The following DCUN1D5 variants were observed in gnomAD, a reference collection of about 807,000 sequenced individuals.
The protein encoded by DCUN1D5 is defective in cullin neddylation 1 domain containing 5, also known as DCN1-like protein 5.
In DCUN1D5, 10 loss-of-function variants were observed where a neutral mutation model predicts 38.3. The ratio of observed to expected loss-of-function variants is 0.26; its 90% CI spans 0.16 to 0.44. The LOEUF is 0.44. Ranked by LOEUF, DCUN1D5 falls within the 20% of genes least tolerant of loss-of-function variation. The pLI is 1.00. For missense variants in DCUN1D5, 148 were observed against 275.3 expected (o/e 0.54, Z 3.27); for synonymous variants, 93 against 90.9 (o/e 1.02, Z -0.13).
chr11:103,057,880 C>T lies in DCUN1D5; in HGVS notation c.*4479G>A, dbSNP rs1861912836. Among the ~76,000 whole-genome samples the T allele has an allele frequency of 3.3e-5, 5 of 152,216 alleles. 1 individual carries two copies. In the South Asian group the frequency reaches 1.0e-3, roughly 32 times the overall value. On this transcript the variant is annotated 3_prime_UTR_variant, in exon 8 of 8. Transcript: ENST00000260247. The surrounding 1 kb of genome is among the most constrained non-coding windows in gnomAD (Gnocchi z 4.8). ...TTAACCTCATACTTAAAACCAAACC[C>T]ATGAAGTATGTGGAAAAAATTCATT...
At chr11:103,070,346 G>T (rs1223365694) in intron 4 of DCUN1D5, among the ~76,000 whole-genome samples, 1 of 152,066 alleles carries the variant, frequency 6.6e-6, no homozygotes, top group Admixed American at 6.6e-5. Flanking sequence ...GGTTGAAAGT[G>T]AAACAATGGA....
intron 4 of DCUN1D5, among the ~76,000 whole-genome samples, chr11:103,067,644 G>A (rs935102784): frequency 2.6e-5 from 4 of 152,088 alleles, no homozygotes; most frequent in African/African-American, 9.7e-5. Context: ...AATCAATAAT[G>A]CAAAGGCCTA....
At position 103,054,309 on chromosome 11, in the gene DCUN1D5, G is replaced by A. The variant is rs575259454; in HGVS notation, c.*8050C>T. 9 of 152,108 alleles carry A rather than the reference G, an allele frequency of 5.9e-5. No homozygotes were observed. Among genetic ancestry groups the A allele is most frequent in the Admixed American group, 2.6e-4 (4 of 15,268 alleles). The allele number at this position is 152,108 out of a possible 1,614,324, so 9.4% of individuals were successfully genotyped here. A position where few individuals can be genotyped will look rare whatever the true frequency, so the allele number is the denominator to read the frequency against. ...AGAATTGTCTCCATAATCTTTAGAC[G>A]TGTTAATAGGAAAAGCATCTCTCTA... is the stretch of plus-strand genomic sequence containing the variant. On this transcript the variant is annotated 3_prime_UTR_variant, in exon 8 of 8. Transcript: ENST00000260247.
chr11:103,086,559 T>C lies in DCUN1D5; in HGVS notation c.178+2668A>G, dbSNP rs77760740. On this transcript the variant is annotated intron_variant, in intron 2 of 7. Coordinates refer to ENST00000260247, the MANE Select transcript of DCUN1D5 (RefSeq NM_032299.4). The surrounding 1 kb of genome is among the most constrained non-coding windows in gnomAD (Gnocchi z 4.1). ...CCATCTAACCCTTCTTTCTTCTCTA[T>C]TCCTGAACCTCACCATATTTATTAT... Among the ~76,000 whole-genome samples, 1 of 152,270 alleles carries C rather than the reference T, an allele frequency of 6.6e-6. No homozygotes were observed. The highest frequency in any genetic ancestry group is 1.9e-4 in the East Asian group (1 of 5,188).
At chr11:103,075,625 C>T (rs1010500801) in intron 4 of DCUN1D5, among the ~76,000 whole-genome samples, 3 of 152,198 alleles carry the variant, frequency 2.0e-5, no homozygotes, top group Non-Finnish European at 4.4e-5. Context: ...CATGATCTGC[C>T]CGCCTCAAAC....
intron 4 of DCUN1D5, among the ~76,000 whole-genome samples, chr11:103,080,775 G>A (rs1167586403): frequency 6.6e-6 from 1 of 152,146 alleles, no homozygotes; most frequent in African/African-American, 2.4e-5. Context: ...TTGGGAGGTC[G>A]AGGCAGGTGG....
chr11:103,068,305 C>T (rs372544799), intron 4 of DCUN1D5, among the ~76,000 whole-genome samples: 14 of 152,050 alleles, frequency 9.2e-5, no homozygotes, highest in African/African-American at 3.4e-4. Context: ...AACTATCATT[C>T]GATCCAGCAA....
rs1861858613 is a variant in DCUN1D5, at chr11:103,055,765, A to C, written c.*6594T>G. ...CATCCATGTCCTGACTTAAAATAAG[A>C]TTACACACTGATGACTTCCAAATAT... On this transcript the variant is annotated 3_prime_UTR_variant, in exon 8 of 8. Coordinates refer to ENST00000260247, the MANE Select transcript of DCUN1D5 (RefSeq NM_032299.4). 1 of 152,180 alleles carries C rather than the reference A, an allele frequency of 6.6e-6. No individual in the cohort carries two copies. Among genetic ancestry groups the C allele is most frequent in the South Asian group, 2.1e-4 (1 of 4,822 alleles). 9.4% of individuals were successfully genotyped at this position (152,180 alleles called of 1,614,324 possible).
rs1360889663 is a variant in DCUN1D5, at chr11:103,077,042, CA to C, written c.341+5705del. On this transcript the variant is annotated intron_variant, in intron 4 of 7. Transcript: ENST00000260247. The surrounding 1 kb of genome is among the most constrained non-coding windows in gnomAD (Gnocchi z 4.3). ...TGAAACCCCGTCTCTACTAAAAATA[CA>C]AAAAAAATTAGCTGGGTGTGGTGGC... 6.6e-6 allele frequency among the ~76,000 whole-genome samples: 1 copy of C among 151,654 alleles called. No individual in the cohort carries two copies. The highest frequency in any genetic ancestry group is 2.1e-4 in the South Asian group (1 of 4,804).
At chr11:103,072,872 C>G (rs932613010) in intron 4 of DCUN1D5, among the ~76,000 whole-genome samples, 1 of 152,002 alleles carries the variant, frequency 6.6e-6, no homozygotes, top group African/African-American at 2.4e-5. Flanking sequence ...CAAACCTGCA[C>G]GTTGTGCACA....
rs1861804699 is a variant in DCUN1D5, at chr11:103,053,747, CATCT to C, written c.*8608_*8611del. The C allele has an allele frequency of 6.6e-6, 1 of 151,716 alleles. No homozygotes were observed. The highest frequency in any genetic ancestry group is 1.9e-4 in the East Asian group (1 of 5,178). The allele number at this position is 151,716 out of a possible 1,614,324, so 9.4% of individuals were successfully genotyped here. A position where few individuals can be genotyped will look rare whatever the true frequency, so the allele number is the denominator to read the frequency against. ...ATCACATGTACCCCCCAAATAAATA[CATCT>C]ATTATGTATCAATGAAAAAAATGTA... On this transcript the variant is annotated 3_prime_UTR_variant, in exon 8 of 8. Transcript: ENST00000260247. This position sits in a 1 kb window ranked among gnomAD's most constrained non-coding sequence, Gnocchi z 4.8.
At chr11:103,088,398 G>C (rs562953798) in intron 2 of DCUN1D5, among the ~76,000 whole-genome samples, 1 of 152,056 alleles carries the variant, frequency 6.6e-6, no homozygotes, top group Non-Finnish European at 1.5e-5. Context: ...ATTCTAAGGG[G>C]AAAAAAATTC....
chr11:103,053,249 C>T lies in DCUN1D5; in HGVS notation c.*9110G>A, dbSNP rs1164831807. The T allele has an allele frequency of 2.0e-5, 3 of 152,110 alleles. No individual in the cohort carries two copies. The highest frequency in any genetic ancestry group is 7.2e-5 in the African/African-American group (3 of 41,448). 9.4% of individuals were successfully genotyped at this position (152,110 alleles called of 1,614,324 possible). On this transcript the variant is annotated 3_prime_UTR_variant, in exon 8 of 8. Coordinates refer to ENST00000260247, the MANE Select transcript of DCUN1D5 (RefSeq NM_032299.4). The surrounding 1 kb of genome is among the most constrained non-coding windows in gnomAD (Gnocchi z 4.8). Reference sequence around the variant, plus strand: ...CATTTATTACTTGGTGCCAACTACACTGTAAATTGATCATTTAGTCATATT... The same window carrying T: ...CATTTATTACTTGGTGCCAACTACATTGTAAATTGATCATTTAGTCATATT...
rs1385942953 is a variant in DCUN1D5, at chr11:103,078,025, T to C, written c.341+4723A>G. ...CCACCCCCACCAAAAAAAAAAATCA[T>C]ATAAATGTTCCCTATTCCCCTCTCG... On this transcript the variant is annotated intron_variant, in intron 4 of 7. Coordinates refer to ENST00000260247, the MANE Select transcript of DCUN1D5 (RefSeq NM_032299.4). The surrounding 1 kb of genome is among the most constrained non-coding windows in gnomAD (Gnocchi z 4.6). 6.6e-6 allele frequency among the ~76,000 whole-genome samples: 1 copy of C among 152,056 alleles called. No individual in the cohort carries two copies. Among genetic ancestry groups the C allele is most frequent in the Non-Finnish European group, 1.5e-5 (1 of 68,006 alleles).
intron 4 of DCUN1D5, among the ~76,000 whole-genome samples, chr11:103,070,540 A>G (rs1439978324): frequency 2.6e-5 from 4 of 152,202 alleles, no homozygotes. Context: ...GCAATCCTAT[A>G]CACGTTAAAC....
chr11:103,079,809 TA>T (rs2134626635), intron 4 of DCUN1D5: 1 of 152,082 alleles, frequency 6.6e-6, no homozygotes, highest in East Asian at 1.9e-4. Flanking sequence ...ATTAACACCT[TA>T]GATTTGCAAG....
rs1862011744 is a variant in DCUN1D5 at position 103,061,606 on chromosome 11, A to G, written c.*753T>C. ...TAACGTTCTCTTAAGGCAAAAAAAA[A>G]AAAAAAAAGTGCTTTAAACAAAATT... On this transcript the variant is annotated 3_prime_UTR_variant, in exon 8 of 8. Coordinates refer to ENST00000260247, the MANE Select transcript of DCUN1D5 (RefSeq NM_032299.4). Among the ~76,000 whole-genome samples the G allele has an allele frequency of 6.6e-6, 1 of 152,034 alleles. No homozygotes were observed. The highest frequency in any genetic ancestry group is 1.5e-5 in the Non-Finnish European group (1 of 67,976).
rs1447496500 is a variant in DCUN1D5 at position 103,061,821 on chromosome 11, G to A, written c.*538C>T. Reference sequence around the variant, plus strand: ...TATAGAAACCCAGAGCTAAAAGTAGGAGCATTTTTCCAATACCTAGAAATG... The same window carrying A: ...TATAGAAACCCAGAGCTAAAAGTAGAAGCATTTTTCCAATACCTAGAAATG... On this transcript the variant is annotated 3_prime_UTR_variant, in exon 8 of 8. Transcript: ENST00000260247. Among the ~76,000 whole-genome samples, 2 of 151,994 alleles carry A rather than the reference G, an allele frequency of 1.3e-5. No homozygotes were observed. The highest frequency in any genetic ancestry group is 2.9e-5 in the Non-Finnish European group (2 of 67,966).
rs190654716 is a variant in DCUN1D5, at chr11:103,080,522, G to A, written c.341+2226C>T. Among the ~76,000 whole-genome samples the A allele has an allele frequency of 3.7e-3, 564 of 152,100 alleles. 5 individuals are homozygous for A. The highest frequency in any genetic ancestry group is 0.013 in the African/African-American group (547 of 41,432). On this transcript the variant is annotated intron_variant, in intron 4 of 7. Coordinates refer to ENST00000260247, the MANE Select transcript of DCUN1D5 (RefSeq NM_032299.4). ...CAGATCATGAGGGAAAAAAATCAACGATTTTCCAGGTCAAGAATGCTCACT... is the reference window on the plus strand; with the variant it reads ...CAGATCATGAGGGAAAAAAATCAACAATTTTCCAGGTCAAGAATGCTCACT...
Sources: gnomAD v4.1 joint callset for allele counts (sites outside exome capture counted in the v4.1 genomes callset) on GRCh38, gnomAD v4.1.1 for gene constraint, Gnocchi (gnomAD v3.1) non-coding constraint, MANE v1.5 for transcripts, NCBI Gene and HGNC (gene_info 2026-07-23, HGNC 2026-07-21) for gene names.